Variants in MYH10 observed in about 807,000 individuals in gnomAD.
MYH10 encodes myosin-10.
MYH10 carries 55 observed loss-of-function variants against 257.8 expected under a neutral mutation model. That is an observed-to-expected ratio of 0.21 (90% CI 0.17 to 0.27). The LOEUF is 0.27. MYH10 is among the 10% of genes least tolerant of loss of function. MYH10 has a pLI of 1.00. For missense variants in MYH10, 1,631 were observed against 2,500.6 expected, an observed-to-expected ratio of 0.65 and a Z score of 7.42; for synonymous variants, 854 against 921.7, an observed-to-expected ratio of 0.93 and a Z score of 1.33.
At position 8,577,323 on chromosome 17, in the gene MYH10, A is replaced by G. The variant is rs1282180673; in HGVS notation, c.546T>C (p.Ala182=). The G allele has an allele frequency of 1.2e-6, 2 of 1,609,300 alleles. No individual in the cohort carries two copies. Among genetic ancestry groups the G allele is most frequent in the East Asian group, 2.2e-5 (1 of 44,848 alleles). ...QSILCTGESG[A]GKTENTKKVI... ...CTTTCTTTGTATTTTCTGTCTTCCC[A>G]GCACCTGACTCACCCCTGAAAGAAA... is the stretch of plus-strand genomic sequence containing the variant. The change falls in exon 5 of 43, where the codon GCT becomes GCC. Residue 182 remains alanine, a synonymous_variant. Transcript: ENST00000360416.
At chr17:8,629,671 G>A (rs1003703573) in intron 1 of MYH10, among the ~76,000 whole-genome samples, 2 of 152,124 alleles carry the variant, frequency 1.3e-5, no homozygotes, top group Non-Finnish European at 2.9e-5. Flanking sequence ...AACTGCAGAA[G>A]GCAATGAAGA....
chr17:8,478,527 C>T (rs1913090211), intron 40 of MYH10, 81 bp from the exon 41 acceptor site: 1 of 1,346,338 alleles, frequency 7.4e-7, no homozygotes, highest in South Asian at 1.2e-5. Context: ...AGCCCCTTTT[C>T]TTTGGGAAGA....
At chr17:8,628,478 A>G (rs1257021910) in intron 1 of MYH10, among the ~76,000 whole-genome samples, 1 of 152,236 alleles carries the variant, frequency 6.6e-6, no homozygotes. Flanking sequence ...AGAAAGGCAA[A>G]CAAGAAGGAT....
At chr17:8,572,238 G>T (rs9747484) in intron 6 of MYH10, among the ~76,000 whole-genome samples, 5,750 of 77,304 alleles carry the variant, frequency 0.074, 151 homozygotes, top group Middle Eastern at 0.11. Context: ...CTGTGTGTGT[G>T]TGTGTGTGTG....
At chr17:8,576,281 A>G (rs2083494562) in intron 6 of MYH10, among the ~76,000 whole-genome samples, 1 of 152,220 alleles carries the variant, frequency 6.6e-6, no homozygotes, top group South Asian at 2.1e-4. Flanking sequence ...GGGCAGCCCC[A>G]AATTCAAAAT....
At chr17:8,583,956 G>A (rs1163316802) in intron 4 of MYH10, among the ~76,000 whole-genome samples, 2 of 152,180 alleles carry the variant, frequency 1.3e-5, no homozygotes, top group African/African-American at 2.4e-5. Flanking sequence ...AGAGAACAGA[G>A]TAATTTCCTC....
chr17:8,513,986 CTTT>C lies in MYH10; in HGVS notation c.2505-95_2505-93del, dbSNP rs796603833. ...AGCCTTTCTAAAGGCCCGTGTTCTT[CTTT>C]GTCTAGGATAGGGAATGATTGCATC... On this transcript the variant is annotated intron_variant, in intron 21 of 42. Transcript: ENST00000360416. 1.7e-5 allele frequency: 18 copies of C among 1,087,966 alleles called. 1 individual carries two copies. The African/African-American group carries it at 2.5e-4, about 15-fold the overall frequency. 67.4% of individuals were successfully genotyped at this position (1,087,966 alleles called of 1,614,324 possible).
chr17:8,506,397 C>A lies in MYH10; in HGVS notation c.3307G>T (p.Ala1103Ser), dbSNP rs371831055. The A allele has an allele frequency of 3.7e-6, 6 of 1,611,706 alleles. No individual in the cohort carries two copies. The highest frequency in any genetic ancestry group is 2.2e-5 in the East Asian group (1 of 44,820). The change falls in exon 27 of 43, where the codon GCA becomes TCA. Residue 1103 changes from alanine to serine, a missense_variant. By Grantham distance (99) the Ala-to-Ser change is moderately conservative (BLOSUM62 1). Coordinates refer to ENST00000360416, the MANE Select transcript of MYH10 (RefSeq NM_001256012.3). The surrounding 1 kb of genome is among the most constrained non-coding windows in gnomAD (Gnocchi z 5.0). Reference protein sequence around the residue: ...GETTDLQDQIAELQAQIDELK... With the variant: ...GETTDLQDQISELQAQIDELK... ...TCATCAATCTGCGCCTGCAGCTCTGCGATCTGGTCCTGCAGGTCGGTCGTC... is the reference window on the plus strand; with the variant it reads ...TCATCAATCTGCGCCTGCAGCTCTGAGATCTGGTCCTGCAGGTCGGTCGTC...
At chr17:8,556,396 A>C (rs192124827) in intron 7 of MYH10, among the ~76,000 whole-genome samples, 1 of 152,374 alleles carries the variant, frequency 6.6e-6, no homozygotes, top group Admixed American at 6.5e-5. Flanking sequence ...TGGATGAAGA[A>C]ATCGTGGTAT....
At position 8,548,307 on chromosome 17, in the gene MYH10, G is replaced by C. The variant is rs761233677; in HGVS notation, c.1159+6C>G. The C allele has an allele frequency of 1.2e-5, 19 of 1,595,354 alleles. No homozygotes were observed. In the Middle Eastern group the frequency reaches 5.0e-4, roughly 42 times the overall value. ...ACAGAAATAAAGTCAGTATTCATCA[G>C]TTTACCTGTATTTTCTGGCATGGAA... On this transcript the variant is annotated splice_donor_region_variant and intron_variant, in intron 11 of 42. Coordinates refer to ENST00000360416, the MANE Select transcript of MYH10 (RefSeq NM_001256012.3).
At chr17:8,622,073 CCTT>C (rs1205741542) in intron 2 of MYH10, among the ~76,000 whole-genome samples, 1 of 152,170 alleles carries the variant, frequency 6.6e-6, no homozygotes, top group Admixed American at 6.5e-5. Context: ...GTAGCACACT[CCTT>C]GTGTAAAATT....
At chr17:8,489,745 A>ACACACACACACACACACACACACACACC (rs1258993754) in intron 35 of MYH10, among the ~76,000 whole-genome samples, 6 of 150,796 alleles carry the variant, frequency 4.0e-5, no homozygotes, top group South Asian at 2.1e-4. Context: ...ACACACACAC[A>ACACACACACACACACACACACACACACC]CCCCAAATCC....
At chr17:8,547,659 A>G (rs1815749855) in intron 11 of MYH10, among the ~76,000 whole-genome samples, 1 of 151,190 alleles carries the variant, frequency 6.6e-6, no homozygotes, top group African/African-American at 2.4e-5. Context: ...ATAATCAAGC[A>G]GTCAAGGCAA....
chr17:8,606,099 A>G (rs2084792412), intron 2 of MYH10, among the ~76,000 whole-genome samples: 1 of 152,254 alleles, frequency 6.6e-6, no homozygotes, highest in Non-Finnish European at 1.5e-5. Context: ...AAATATCAAT[A>G]AACATAAGCC....
chr17:8,487,893 C>G (rs1033573371), intron 35 of MYH10, among the ~76,000 whole-genome samples: 5 of 151,800 alleles, frequency 3.3e-5, no homozygotes, highest in Admixed American at 2.6e-4. Context: ...ATGGAAAAAC[C>G]CAAGACAATA....
intron 10 of MYH10, 94 bp downstream of exon 10, chr17:8,548,550 T>C: frequency 1.3e-6 from 2 of 1,484,810 alleles, no homozygotes; most frequent in Non-Finnish European, 1.8e-6. Flanking sequence ...TACAATTCAT[T>C]AGTTTCCCAG....
intron 6 of MYH10, 41 bp downstream of exon 6, chr17:8,576,602 G>A: frequency 6.5e-7 from 1 of 1,536,262 alleles, no homozygotes; most frequent in South Asian, 1.2e-5. Context: ...AGAAATTAGT[G>A]CAAACACTCA....
At chr17:8,561,128 G>C (rs995059121) in intron 7 of MYH10, 8 of 615,934 alleles carry the variant, frequency 1.3e-5, no homozygotes, top group Non-Finnish European at 2.3e-5. Context: ...TTGTAGTTAA[G>C]TTTAGGATTA....
At chr17:8,493,397 C>A (rs923417627) in intron 32 of MYH10, among the ~76,000 whole-genome samples, 16 of 150,544 alleles carry the variant, frequency 1.1e-4, no homozygotes, top group African/African-American at 3.4e-4. Flanking sequence ...AAAAAAAAAA[C>A]CTTTTGTTTT....
Sources: allele counts gnomAD v4.1 joint callset (sites outside exome capture counted in the v4.1 genomes callset), GRCh38; gene constraint gnomAD v4.1.1; non-coding constraint Gnocchi (gnomAD v3.1); transcripts MANE v1.5; gene names NCBI Gene and HGNC (gene_info 2026-07-23, HGNC 2026-07-21).